The following DGKI variants were observed in gnomAD, a reference collection of about 807,000 sequenced individuals.
DGKI encodes the protein diacylglycerol kinase iota, also known as DAG kinase iota.
In DGKI, 55 loss-of-function variants were observed where a neutral mutation model predicts 147.5. That is an observed-to-expected ratio of 0.37 (90% CI 0.30 to 0.47). DGKI has a LOEUF of 0.47. Among genes scored for constraint, DGKI ranks in the 20% least tolerant of loss-of-function variants. DGKI has a pLI of 1.00. For synonymous variants in DGKI, 469 were observed against 477.1 expected (o/e 0.98, Z 0.22); for missense variants, 1,007 against 1,323.8 (o/e 0.76, Z 3.71).
chr7:137,553,486 T>C (rs986610658), intron 19 of DGKI, among the ~76,000 whole-genome samples: 18 of 151,480 alleles, frequency 1.2e-4, no homozygotes, highest in African/African-American at 2.2e-4. Flanking sequence ...CAGAATGGAG[T>C]TTCAAGACAA....
intron 1 of DGKI, among the ~76,000 whole-genome samples, chr7:137,843,648 G>A (rs778261221): frequency 7.9e-5 from 12 of 151,824 alleles, no homozygotes; most frequent in Non-Finnish European, 1.5e-4. Flanking sequence ...AAAGGGCTCT[G>A]GTTCCTAAAA....
At chr7:137,517,279 A>AAAAGAAAAAGAAAG (rs1554421206) in intron 21 of DGKI, among the ~76,000 whole-genome samples, 1 of 79,744 alleles carries the variant, frequency 1.3e-5, no homozygotes, top group Non-Finnish European at 2.2e-5. Flanking sequence ...AAAGAAAAGA[A>AAAAGAAAAAGAAAG]AAAGAAAGAA....
chr7:137,812,733 G>A (rs1356082052), intron 1 of DGKI, among the ~76,000 whole-genome samples: 1 of 152,120 alleles, frequency 6.6e-6, no homozygotes, highest in Non-Finnish European at 1.5e-5. Flanking sequence ...TAAATCACTT[G>A]CCTGACTCCA....
intron 27 of DGKI, among the ~76,000 whole-genome samples, chr7:137,455,642 G>C (rs1293720764): frequency 8.9e-6 from 1 of 111,756 alleles, no homozygotes; most frequent in African/African-American, 2.9e-5. Flanking sequence ...AAAAAAAAGG[G>C]GGGGGGGCGG....
chr7:137,392,674 A>AT (rs959983871), intron 32 of DGKI, among the ~76,000 whole-genome samples: 1 of 152,158 alleles, frequency 6.6e-6, no homozygotes, highest in Non-Finnish European at 1.5e-5. Flanking sequence ...TCCTTGAATA[A>AT]TTTTTATTCA....
intron 1 of DGKI, among the ~76,000 whole-genome samples, chr7:137,751,528 C>T (rs187163150): frequency 4.6e-5 from 7 of 152,298 alleles, no homozygotes. Context: ...CTCTCAAGCT[C>T]TTCTGATTGG....
chr7:137,407,979 T>A lies in DGKI; in HGVS notation c.2816A>T (p.Lys939Ile). 2 of 1,587,912 alleles carry A rather than the reference T, an allele frequency of 1.3e-6. No individual in the cohort carries two copies. Among genetic ancestry groups the A allele is most frequent in the Non-Finnish European group, 1.7e-6 (2 of 1,172,432 alleles). ...CTGAATTAGCAGACTGCCTCCATTT[T>A]TATAGCTTTCTATTAGCTGCAAAGA... The part of the protein sequence containing the change: ...GDLMKLIESY[K>I]NGGSLLIQGP... The change falls in exon 30 of 33, where the codon AAA becomes ATA. Residue 939 changes from lysine to isoleucine, a missense_variant. By Grantham distance (102) the Lys-to-Ile change is moderately radical. Transcript: ENST00000614521.
At chr7:137,428,625 G>T (rs993145466) in intron 28 of DGKI, among the ~76,000 whole-genome samples, 29 of 151,728 alleles carry the variant, frequency 1.9e-4, no homozygotes, top group Non-Finnish European at 3.7e-4. Flanking sequence ...CCTTTTTGCA[G>T]ATGACATGAT....
At chr7:137,670,145 G>A (rs768878042) in intron 3 of DGKI, among the ~76,000 whole-genome samples, 1 of 152,106 alleles carries the variant, frequency 6.6e-6, no homozygotes, top group East Asian at 1.9e-4. Flanking sequence ...GCCGTATATT[G>A]TTTTCTTTTG....
At chr7:137,632,895 G>A (rs200252913) in intron 6 of DGKI, among the ~76,000 whole-genome samples, 23 of 134,754 alleles carry the variant, frequency 1.7e-4, no homozygotes, top group East Asian at 1.1e-3. Context: ...ACAAACAAAC[G>A]TGAGGCCCAG....
At chr7:137,573,148 T>A (rs1818849583) in intron 17 of DGKI, among the ~76,000 whole-genome samples, 1 of 152,182 alleles carries the variant, frequency 6.6e-6, no homozygotes, top group Non-Finnish European at 1.5e-5. Context: ...TTATTAGTTA[T>A]CTAGACTGAT....
intron 12 of DGKI, among the ~76,000 whole-genome samples, chr7:137,592,397 G>C (rs898923534): frequency 6.6e-6 from 1 of 152,234 alleles, no homozygotes; most frequent in Non-Finnish European, 1.5e-5. Flanking sequence ...GACAGATTGA[G>C]AACACCAGGT....
At chr7:137,619,255 C>T (rs1256266554) in intron 8 of DGKI, among the ~76,000 whole-genome samples, 1 of 152,146 alleles carries the variant, frequency 6.6e-6, no homozygotes, top group Non-Finnish European at 1.5e-5. Flanking sequence ...CTCACAAGGA[C>T]AGGAAGTGCA....
chr7:137,701,214 T>G (rs576619230), intron 1 of DGKI, among the ~76,000 whole-genome samples: 6 of 152,048 alleles, frequency 3.9e-5, no homozygotes, highest in African/African-American at 1.4e-4. Flanking sequence ...AGAATACATA[T>G]GAAAAATCTA....
intron 3 of DGKI, among the ~76,000 whole-genome samples, chr7:137,672,784 T>C (rs1041409615): frequency 2.1e-5 from 3 of 142,634 alleles, no homozygotes; most frequent in African/African-American, 8.0e-5. Flanking sequence ...TTTTTTTTTT[T>C]TTTTTTTTTT....
At chr7:137,662,312 C>A (rs1284562149) in intron 3 of DGKI, among the ~76,000 whole-genome samples, 3 of 147,816 alleles carry the variant, frequency 2.0e-5, no homozygotes, top group Admixed American at 2.0e-4. Context: ...GGCGGGATCT[C>A]GGCTCACTGC....
intron 1 of DGKI, among the ~76,000 whole-genome samples, chr7:137,795,113 T>C (rs1796982994): frequency 1.3e-5 from 2 of 152,112 alleles, no homozygotes; most frequent in African/African-American, 4.8e-5. Flanking sequence ...GTTGCAAAAA[T>C]TGTCAAAATC....
At chr7:137,554,444 G>C (rs779565877) in intron 19 of DGKI, among the ~76,000 whole-genome samples, 1 of 152,110 alleles carries the variant, frequency 6.6e-6, no homozygotes, top group Non-Finnish European at 1.5e-5. Context: ...TTCTGAGAAC[G>C]TCAGATATTG....
At chr7:137,590,536 T>C (rs966826055) in intron 12 of DGKI, among the ~76,000 whole-genome samples, 2 of 152,200 alleles carry the variant, frequency 1.3e-5, no homozygotes, top group Admixed American at 6.5e-5. Context: ...GAAGATGAGC[T>C]TGCAAAGAAG....
Sources: gnomAD v4.1 joint callset for allele counts (sites outside exome capture counted in the v4.1 genomes callset) on GRCh38, gnomAD v4.1.1 for gene constraint, MANE v1.5 for transcripts, NCBI Gene and HGNC (gene_info 2026-07-23, HGNC 2026-07-21) for gene names.